BCL2L11: variants seen among roughly 807,000 people sequenced by gnomAD.
BCL2L11 encodes bcl-2-like protein 11.
In BCL2L11, 15 loss-of-function variants were observed where a neutral mutation model predicts 20.6. The observed-to-expected ratio is 0.73, with a 90% CI of 0.49 to 1.12. The LOEUF (loss-of-function observed/expected upper bound fraction) is 1.12, where lower values mean the gene tolerates loss of function less well. Among genes scored for constraint, BCL2L11 ranks in the 50% most tolerant of loss-of-function variants. BCL2L11 has a pLI of 0.00. For synonymous variants in BCL2L11, 108 were observed against 92.8 expected, an observed-to-expected ratio of 1.16 and a Z score of -0.94; for missense variants, 292 against 260.9, an observed-to-expected ratio of 1.12 and a Z score of -0.82.
intron 3 of BCL2L11, among the ~76,000 whole-genome samples, chr2:111,155,699 G>T (rs1003597460): frequency 6.6e-6 from 1 of 152,158 alleles, no homozygotes; most frequent in Non-Finnish European, 1.5e-5. Flanking sequence ...TGTGACCTGG[G>T]CATGTCCTGG....
rs1332345143 is a variant in BCL2L11, at chr2:111,167,247, C to T, written c.*3016C>T. The T allele has an allele frequency of 6.6e-6, 1 of 152,264 alleles. No homozygotes were observed. Among genetic ancestry groups the T allele is most frequent in the African/African-American group, 2.4e-5 (1 of 41,444 alleles). The allele number at this position is 152,264 out of a possible 1,614,324, so 9.4% of individuals were successfully genotyped here. On this transcript the variant is annotated 3_prime_UTR_variant, in exon 4 of 4. Transcript: ENST00000393256. ...GACCACGTGGTCCTCCAGGGTGGCT[C>T]TCCACCTTCGGGTCCTGGTATTTCC...
At position 111,164,146 on chromosome 2, in the gene BCL2L11, A is replaced by G; in HGVS notation, c.512A>G (p.Asn171Ser). Residue 171 changes from asparagine (N) to serine (S), a missense_variant, in exon 4 of 4, where the codon AAT becomes AGT. Physicochemically the swap from Asn to Ser is conservative, Grantham distance 46. Coordinates refer to ENST00000393256, the MANE Select transcript of BCL2L11 (RefSeq NM_138621.5). ...AYYARRVFLN[N>S]YQAAEDHPRM... ...TTGTTGTTTCAGGTATTTTTGAATA[A>G]TTACCAAGCAGCCGAAGACCACCCA... The G allele has an allele frequency of 6.2e-7, 1 of 1,609,478 alleles. No individual in the cohort carries two copies. The highest frequency in any genetic ancestry group is 8.5e-7 in the Non-Finnish European group (1 of 1,175,850).
At chr2:111,132,814 G>A (rs1408409902) in intron 2 of BCL2L11, among the ~76,000 whole-genome samples, 1 of 152,176 alleles carries the variant, frequency 6.6e-6, no homozygotes, top group East Asian at 1.9e-4. Context: ...TCGAAGATCA[G>A]GAACCTTGTA....
At chr2:111,136,148 T>A (rs2074844761) in intron 2 of BCL2L11, among the ~76,000 whole-genome samples, 1 of 152,146 alleles carries the variant, frequency 6.6e-6, no homozygotes, top group Non-Finnish European at 1.5e-5. Context: ...GGTTTTCTGT[T>A]GTTAGGTCAC....
At chr2:111,148,127 T>C (rs1037401523) in intron 2 of BCL2L11, among the ~76,000 whole-genome samples, 1 of 152,260 alleles carries the variant, frequency 6.6e-6, no homozygotes, top group Non-Finnish European at 1.5e-5. Flanking sequence ...TCTTCACTTC[T>C]GACTCCGGGG....
chr2:111,138,012 C>CTTTCTT (rs2075207533), intron 2 of BCL2L11, among the ~76,000 whole-genome samples: 1 of 127,144 alleles, frequency 7.9e-6, no homozygotes, highest in African/African-American at 3.0e-5. Flanking sequence ...TTCTTTCTTT[C>CTTTCTT]TTTTTTTTTT....
chr2:111,124,251 T>C (rs1324439641), intron 2 of BCL2L11, 112 bp downstream of exon 2: 1 of 1,282,100 alleles, frequency 7.8e-7, no homozygotes, highest in South Asian at 1.6e-5. Context: ...ATTTATTCCA[T>C]CTTTAGATGG....
chr2:111,137,490 T>C (rs1212146743), intron 2 of BCL2L11, among the ~76,000 whole-genome samples: 1 of 152,242 alleles, frequency 6.6e-6, no homozygotes, highest in Non-Finnish European at 1.5e-5. Flanking sequence ...GACCTCAGAC[T>C]GCTTTCCTTC....
intron 2 of BCL2L11, among the ~76,000 whole-genome samples, chr2:111,141,034 C>T (rs1174517699): frequency 6.6e-6 from 1 of 152,142 alleles, no homozygotes. Context: ...TAGGAGGTTC[C>T]AGCAGGTGAC....
chr2:111,162,122 C>T (rs947872538), intron 3 of BCL2L11, among the ~76,000 whole-genome samples: 1 of 152,204 alleles, frequency 6.6e-6, no homozygotes, highest in African/African-American at 2.4e-5. Flanking sequence ...TTTTGCAATA[C>T]GGGCATACAC....
rs2073155534 is a variant in BCL2L11, at chr2:111,128,495, T to C, written c.394+4356T>C. Reference sequence around the variant, plus strand: ...TTGCTGGATCATATGGTAATTCTATTTTTAATTTTTTGGGGAACCATCATG... The same window carrying C: ...TTGCTGGATCATATGGTAATTCTATCTTTAATTTTTTGGGGAACCATCATG... On this transcript the variant is annotated intron_variant, in intron 2 of 3. Transcript: ENST00000393256. 4 of 1,263,188 alleles carry C rather than the reference T, an allele frequency of 3.2e-6. No homozygotes were observed. In the South Asian group the frequency reaches 8.3e-5, roughly 26 times the overall value. 78.2% of individuals were successfully genotyped at this position (1,263,188 alleles called of 1,614,324 possible).
chr2:111,154,199 AAAAATACTTC>A (rs2077561070), intron 3 of BCL2L11, among the ~76,000 whole-genome samples: 1 of 152,192 alleles, frequency 6.6e-6, no homozygotes, highest in South Asian at 2.1e-4. Context: ...TTCCTACACT[AAAAATACTTC>A]AGTGTATATT....
At chr2:111,141,228 G>A (rs1020848522) in intron 2 of BCL2L11, among the ~76,000 whole-genome samples, 12 of 151,844 alleles carry the variant, frequency 7.9e-5, no homozygotes, top group African/African-American at 2.7e-4. Context: ...TGTTTATTGC[G>A]GCATTATTCA....
chr2:111,135,612 A>G lies in BCL2L11; in HGVS notation c.394+11473A>G, dbSNP rs185999867. Among the ~76,000 whole-genome samples the G allele has an allele frequency of 2.5e-3, 373 of 152,198 alleles. 3 individuals carry two copies. Among genetic ancestry groups the G allele is most frequent in the African/African-American group, 8.5e-3 (353 of 41,556 alleles). The stretch of plus-strand genomic sequence containing the variant: ...TACCTGATTCTCCCTCTTTGATGCT[A>G]GATGGGAGAGTTCTCTTTTGTTCTC... On this transcript the variant is annotated intron_variant, in intron 2 of 3. Coordinates refer to ENST00000393256, the MANE Select transcript of BCL2L11 (RefSeq NM_138621.5).
chr2:111,151,964 C>A, intron 3 of BCL2L11: 1 of 1,304,358 alleles, frequency 7.7e-7, no homozygotes, highest in Non-Finnish European at 1.1e-6. Flanking sequence ...AGTTCCTCTG[C>A]CTTGGTTTAC....
At position 111,123,825 on chromosome 2, in the gene BCL2L11, A is replaced by G; in HGVS notation, c.80A>G (p.Gln27Arg). The G allele has an allele frequency of 6.5e-7, 1 of 1,527,424 alleles. No homozygotes were observed. Among genetic ancestry groups the G allele is most frequent in the Non-Finnish European group, 8.8e-7 (1 of 1,139,626 alleles). The allele number at this position is 1,527,424 out of a possible 1,614,324, so 94.6% of individuals were successfully genotyped here. Residue 27 changes from glutamine to arginine, a missense_variant, in exon 2 of 4, where the codon CAG becomes CGG. Gln to Arg is a conservative substitution (Grantham distance 43, BLOSUM62 1). Transcript: ENST00000393256. Reference protein sequence around the residue: ...RQLQPAERPPQLRPGAPTSLQ... With the variant: ...RQLQPAERPPRLRPGAPTSLQ... ...TTGCAGCCTGCGGAGAGGCCTCCCC[A>G]GCTCAGACCTGGGGCCCCTACCTCC...
chr2:111,144,582 G>A, intron 2 of BCL2L11: 2 of 1,483,810 alleles, frequency 1.3e-6, no homozygotes, highest in East Asian at 4.9e-5. Context: ...TGTAAGCTTT[G>A]GATAACTCTG....
intron 2 of BCL2L11, among the ~76,000 whole-genome samples, chr2:111,139,304 G>A (rs937381846): frequency 2.0e-5 from 3 of 152,194 alleles, no homozygotes; most frequent in Admixed American, 1.3e-4. Context: ...TTGGGGGTGA[G>A]TTGGGGACAC....
chr2:111,164,282 C>T lies in BCL2L11; in HGVS notation c.*51C>T. 7.4e-7 allele frequency: 1 copy of T among 1,342,882 alleles called. No homozygotes were observed. Among genetic ancestry groups the T allele is most frequent in the Non-Finnish European group, 1.1e-6 (1 of 932,992 alleles). The allele number at this position is 1,342,882 out of a possible 1,614,324, so 83.2% of individuals were successfully genotyped here. ...CATGCAGACATTTTGCTTGTTCAAA[C>T]CAACAAGACCCAGCACCGCGGTCTC... On this transcript the variant is annotated 3_prime_UTR_variant, in exon 4 of 4. Transcript: ENST00000393256.
Sources: allele counts gnomAD v4.1 joint callset (sites outside exome capture counted in the v4.1 genomes callset), GRCh38; gene constraint gnomAD v4.1.1; transcripts MANE v1.5; gene names NCBI Gene and HGNC (gene_info 2026-07-23, HGNC 2026-07-21).